Variants in SLC35F4 observed in about 807,000 individuals in gnomAD.
SLC35F4 encodes the protein solute carrier family 35 member F4.
Under a neutral mutation model 44.2 loss-of-function variants are expected in SLC35F4, and 24 were observed. The observed-to-expected ratio is 0.54, with a 90% CI of 0.39 to 0.76. The LOEUF is 0.76. SLC35F4 is among the 30% of genes least tolerant of loss of function. The pLI is 0.00. For synonymous variants in SLC35F4, 238 were observed against 223.6 expected, an observed-to-expected ratio of 1.06 and a Z score of -0.57; for missense variants, 562 against 586.1, an observed-to-expected ratio of 0.96 and a Z score of 0.42.
chr14:57,819,676 G>T (rs1016642789), intron 1 of SLC35F4, among the ~76,000 whole-genome samples: 9 of 151,746 alleles, frequency 5.9e-5, no homozygotes, highest in African/African-American at 2.2e-4. Flanking sequence ...AGCCAGGCAT[G>T]GTGGTGTGCG....
At chr14:57,959,379 A>G (rs1447514692) in intron 1 of SLC35F4, among the ~76,000 whole-genome samples, 1 of 152,240 alleles carries the variant, frequency 6.6e-6, no homozygotes, top group Non-Finnish European at 1.5e-5. Context: ...AAGGCAGTAC[A>G]TGTGTATCTG....
At chr14:57,727,726 T>C (rs972301883) in intron 1 of SLC35F4, among the ~76,000 whole-genome samples, 1 of 152,228 alleles carries the variant, frequency 6.6e-6, no homozygotes, top group African/African-American at 2.4e-5. Flanking sequence ...TTTATTTTTA[T>C]TCCATTGTGG....
At chr14:57,817,195 T>C (rs578217342) in intron 1 of SLC35F4, among the ~76,000 whole-genome samples, 2 of 152,246 alleles carry the variant, frequency 1.3e-5, no homozygotes, top group East Asian at 3.9e-4. Context: ...GATTGTGGGG[T>C]TGGCTGGCCT....
chr14:57,873,933 A>G (rs986612378), intron 1 of SLC35F4, among the ~76,000 whole-genome samples: 1 of 152,188 alleles, frequency 6.6e-6, no homozygotes, highest in African/African-American at 2.4e-5. Context: ...CTGTCTTTCC[A>G]TGTTCTCATA....
At chr14:57,870,788 C>T (rs1378728037), upstream of SLC35F4, among the ~76,000 whole-genome samples, 4 of 152,232 alleles carry the variant, frequency 2.6e-5, no homozygotes, top group African/African-American at 4.8e-5. Context: ...TTTACACTTT[C>T]ACTCTCCATT....
In SLC35F4 at chr14:57,880,078, AAGGAAG is replaced by A. The variant is rs1566920029; in HGVS notation, n.282+101829_282+101834del. Among the ~76,000 whole-genome samples, 64 of 124,628 alleles carry A rather than the reference AAGGAAG, an allele frequency of 5.1e-4. 2 individuals carry two copies. The highest frequency in any genetic ancestry group is 2.2e-3 in the African/African-American group (60 of 27,210). 81.8% of individuals were successfully genotyped at this position (124,628 alleles called of 152,430 possible). ...GAAGGAAGGAAGGAAGGAAGGAAGG[AAGGAAG>A]GAAGGAAGGAAGGAAGGAAGGAAGG... On this transcript the variant is annotated intron_variant and non_coding_transcript_variant, in intron 1 of 1. Transcript: ENST00000556568.
At chr14:57,580,145 A>G (rs887753988) in intron 4 of SLC35F4, among the ~76,000 whole-genome samples, 5 of 152,316 alleles carry the variant, frequency 3.3e-5, no homozygotes, top group Admixed American at 6.5e-5. Context: ...ACTTATTAAT[A>G]TGAAGCTTCA....
intron 1 of SLC35F4, among the ~76,000 whole-genome samples, chr14:57,622,982 T>C (rs897473473): frequency 2.6e-5 from 4 of 152,072 alleles, no homozygotes; most frequent in Non-Finnish European, 4.4e-5. Flanking sequence ...TAAATGTGAA[T>C]GGACTGAGTG....
At chr14:57,903,351 C>T (rs910719532) in intron 1 of SLC35F4, among the ~76,000 whole-genome samples, 1 of 152,136 alleles carries the variant, frequency 6.6e-6, no homozygotes, top group East Asian at 1.9e-4. Context: ...CCAGACCTCA[C>T]CTGGGGAATA....
intron 1 of SLC35F4, among the ~76,000 whole-genome samples, chr14:57,926,108 T>C (rs891226936): frequency 1.3e-5 from 2 of 152,168 alleles, no homozygotes; most frequent in South Asian, 2.1e-4. Context: ...TGGTTGACAG[T>C]ATTAAGTAAG....
intron 1 of SLC35F4, among the ~76,000 whole-genome samples, chr14:57,675,696 CTGTTT>C (rs967651901): frequency 6.6e-6 from 1 of 151,990 alleles, no homozygotes; most frequent in African/African-American, 2.4e-5. Context: ...CCTTCTATGA[CTGTTT>C]TGTTGAGGGT....
chr14:57,880,411 G>A (rs1888509516), intron 1 of SLC35F4, among the ~76,000 whole-genome samples: 2 of 152,260 alleles, frequency 1.3e-5, no homozygotes, highest in South Asian at 4.1e-4. Flanking sequence ...GCTACCTCAA[G>A]AAGGAGTAAA....
intron 1 of SLC35F4, among the ~76,000 whole-genome samples, chr14:57,615,080 A>C (rs2071732962): frequency 6.6e-6 from 1 of 152,216 alleles, no homozygotes; most frequent in Admixed American, 6.5e-5. Flanking sequence ...GGACCTTGTG[A>C]CTTAATACCA....
At position 57,947,061 on chromosome 14, in the gene SLC35F4, T is replaced by G. The variant is rs1256300001; in HGVS notation, n.282+34852A>C. ...TCAGAATTGCACTGAATCTATAGATTGCTTTTGACAGTATAGTTATTTTCA... is the reference window on the plus strand; with the variant it reads ...TCAGAATTGCACTGAATCTATAGATGGCTTTTGACAGTATAGTTATTTTCA... On this transcript the variant is annotated intron_variant and non_coding_transcript_variant, in intron 1 of 1. Coordinates refer to the SLC35F4 transcript ENST00000556568. Among the ~76,000 whole-genome samples the G allele has an allele frequency of 2.0e-5, 3 of 152,314 alleles. No homozygotes were observed. The East Asian group carries it at 5.8e-4, about 29-fold the overall frequency.
intron 1 of SLC35F4, among the ~76,000 whole-genome samples, chr14:57,628,855 G>T (rs1012923685): frequency 6.6e-6 from 1 of 152,086 alleles, no homozygotes; most frequent in African/African-American, 2.4e-5. Context: ...TCCCTAAAGT[G>T]ATTTTCATTT....
chr14:57,980,840 G>C (rs1052468901), intron 1 of SLC35F4, among the ~76,000 whole-genome samples: 1 of 152,150 alleles, frequency 6.6e-6, no homozygotes, highest in South Asian at 2.1e-4. Context: ...GCTACATGTG[G>C]CTAGTGGCTA....
intron 1 of SLC35F4, among the ~76,000 whole-genome samples, chr14:57,685,079 T>C (rs118073803): frequency 0.022 from 3,302 of 152,282 alleles, 56 homozygotes; most frequent in Non-Finnish European, 0.032. Context: ...AGTATATAAA[T>C]ATAAATAAAT....
intron 1 of SLC35F4, among the ~76,000 whole-genome samples, chr14:57,883,138 C>A (rs575076794): frequency 6.6e-6 from 1 of 152,016 alleles, no homozygotes; most frequent in African/African-American, 2.4e-5. Context: ...GGAACAGACC[C>A]AGACCAAAGC....
At chr14:57,750,379 G>C (rs928855360) in intron 1 of SLC35F4, among the ~76,000 whole-genome samples, 2 of 152,088 alleles carry the variant, frequency 1.3e-5, no homozygotes, top group African/African-American at 2.4e-5. Flanking sequence ...TTGATATATT[G>C]ATTACTTTTC....
Sources: allele counts gnomAD v4.1 joint callset (sites outside exome capture counted in the v4.1 genomes callset), GRCh38; gene constraint gnomAD v4.1.1; transcripts MANE v1.5; gene names NCBI Gene and HGNC (gene_info 2026-07-23, HGNC 2026-07-21).